AGBL4: variants seen among roughly 807,000 people sequenced by gnomAD.
AGBL4 encodes cytosolic carboxypeptidase 6.
In AGBL4, 58 loss-of-function variants were observed where a neutral mutation model predicts 66.4. The ratio of observed to expected loss-of-function variants is 0.87; its 90% confidence interval spans 0.71 to 1.09. AGBL4 has a LOEUF of 1.09. AGBL4 is among the 50% of genes least tolerant of loss of function. The pLI, the probability that AGBL4 is intolerant of heterozygous loss-of-function variation, is 0.00. For missense variants in AGBL4, 579 were observed against 631.0 expected, an observed-to-expected ratio of 0.92 and a Z score of 0.88; for synonymous variants, 234 against 222.9, an observed-to-expected ratio of 1.05 and a Z score of -0.44.
intron 8 of AGBL4, among the ~76,000 whole-genome samples, chr1:48,650,099 G>C (rs1293415085): frequency 1.3e-5 from 2 of 152,212 alleles, no homozygotes; most frequent in Non-Finnish European, 2.9e-5. Flanking sequence ...CCAGCCAGCA[G>C]AGTGAGGTGC....
intron 3 of AGBL4, among the ~76,000 whole-genome samples, chr1:49,381,576 G>A (rs1212244302): frequency 6.6e-6 from 1 of 152,140 alleles, no homozygotes; most frequent in Non-Finnish European, 1.5e-5. Context: ...ATTCACAATA[G>A]CAAAGACTTG....
chr1:48,768,651 C>T (rs938175239), intron 6 of AGBL4, among the ~76,000 whole-genome samples: 1 of 152,148 alleles, frequency 6.6e-6, no homozygotes, highest in South Asian at 2.1e-4. Flanking sequence ...TTCCATTTGA[C>T]ATATAATCAG....
At chr1:49,752,053 GT>G (rs1651518827) in intron 2 of AGBL4, among the ~76,000 whole-genome samples, 1 of 151,346 alleles carries the variant, frequency 6.6e-6, no homozygotes. Flanking sequence ...TTTTTGAAGG[GT>G]TTTTCGTGTC....
chr1:49,728,866 G>T (rs1001864400), intron 2 of AGBL4, among the ~76,000 whole-genome samples: 4 of 152,100 alleles, frequency 2.6e-5, no homozygotes, highest in Non-Finnish European at 5.9e-5. Context: ...ACTCTCAAAT[G>T]AAACCGTTCT....
intron 3 of AGBL4, among the ~76,000 whole-genome samples, chr1:49,603,844 C>T (rs944406194): frequency 1.3e-5 from 2 of 151,746 alleles, no homozygotes; most frequent in Non-Finnish European, 2.9e-5. Flanking sequence ...AGTTACTTCA[C>T]TTAGAATGAT....
chr1:48,604,610 T>G (rs1186629649), intron 9 of AGBL4, among the ~76,000 whole-genome samples: 2 of 151,486 alleles, frequency 1.3e-5, no homozygotes, highest in African/African-American at 4.8e-5. Flanking sequence ...GAATCAAAGG[T>G]TTTTTTTTAA....
intron 9 of AGBL4, among the ~76,000 whole-genome samples, chr1:48,604,443 G>A (rs1187691650): frequency 3.3e-5 from 5 of 152,002 alleles, no homozygotes; most frequent in Non-Finnish European, 7.4e-5. Context: ...TTCTAAATAT[G>A]GCTATTTGAA....
rs1273026020 is a variant in AGBL4, at chr1:48,736,435, C to T, written c.635-73194G>A. On this transcript the variant is annotated intron_variant, in intron 6 of 13. Transcript: ENST00000371839. This position sits in a 1 kb window ranked among gnomAD's most constrained non-coding sequence, Gnocchi z 4.0. ...GCCATTTCTCCTCATCAACCCAAAT[C>T]CCGCTTCCCAGATGGACCTGAGAGG... 1.9e-6 allele frequency: 3 copies of T among 1,614,114 alleles called. No individual in the cohort carries two copies. The highest frequency in any genetic ancestry group is 2.2e-5 in the East Asian group (1 of 44,882).
intron 6 of AGBL4, among the ~76,000 whole-genome samples, chr1:48,863,855 A>T (rs1218469992): frequency 2.0e-5 from 3 of 152,140 alleles, no homozygotes; most frequent in Non-Finnish European, 4.4e-5. Context: ...TTAGAAGTAA[A>T]TACAGGAGAA....
At position 49,607,220 on chromosome 1, in the gene AGBL4, C is replaced by T. The variant is rs11576876; in HGVS notation, c.282+90093G>A. ...GCAATGTTCCTGTCATCTGGCTGCC[C>T]CAACTTCTCCCAAACAATCTGACAC... is the stretch of plus-strand genomic sequence containing the variant. On this transcript the variant is annotated intron_variant, in intron 3 of 13. Transcript: ENST00000371839. Among the ~76,000 whole-genome samples the T allele has an allele frequency of 6.9e-3, 1,050 of 152,146 alleles. 11 individuals carry two copies. Among genetic ancestry groups the T allele is most frequent in the African/African-American group, 0.024 (977 of 41,524 alleles).
chr1:49,566,701 C>A (rs186253327), intron 3 of AGBL4, among the ~76,000 whole-genome samples: 2 of 152,130 alleles, frequency 1.3e-5, no homozygotes. Flanking sequence ...GGTGTCAGTC[C>A]GCCCCTACTG....
intron 4 of AGBL4, among the ~76,000 whole-genome samples, chr1:49,220,728 T>C (rs1018669722): frequency 5.3e-5 from 8 of 152,072 alleles, no homozygotes; most frequent in Non-Finnish European, 1.0e-4. Flanking sequence ...GCCACAAAGA[T>C]ATAGGTTTGC....
intron 4 of AGBL4, among the ~76,000 whole-genome samples, chr1:49,225,539 A>G (rs1649848260): frequency 6.6e-6 from 1 of 152,168 alleles, no homozygotes; most frequent in African/African-American, 2.4e-5. Context: ...GGACTGCTTC[A>G]TGCTGATCCC....
intron 1 of AGBL4, among the ~76,000 whole-genome samples, chr1:50,000,225 A>C (rs1029342407): frequency 6.6e-6 from 1 of 152,210 alleles, no homozygotes; most frequent in African/African-American, 2.4e-5. Flanking sequence ...CAAATCAGCA[A>C]GAAAACAAAC....
chr1:49,297,164 G>T (rs562899794), intron 3 of AGBL4, among the ~76,000 whole-genome samples: 1 of 152,244 alleles, frequency 6.6e-6, no homozygotes, highest in African/African-American at 2.4e-5. Context: ...TCTCACATCT[G>T]GCCAAGAGAA....
chr1:48,577,943 C>T (rs752477469), intron 11 of AGBL4, among the ~76,000 whole-genome samples: 1 of 152,108 alleles, frequency 6.6e-6, no homozygotes, highest in Non-Finnish European at 1.5e-5. Flanking sequence ...CAGAGTGGAG[C>T]GAACACACAC....
chr1:49,538,716 T>C (rs1218034378), intron 3 of AGBL4, among the ~76,000 whole-genome samples: 6 of 152,170 alleles, frequency 3.9e-5, no homozygotes, highest in Admixed American at 3.9e-4. Flanking sequence ...CTAATAAATT[T>C]AAAAATGGAA....
intron 6 of AGBL4, among the ~76,000 whole-genome samples, chr1:48,786,660 T>C (rs1325383613): frequency 6.6e-6 from 1 of 152,194 alleles, no homozygotes; most frequent in Non-Finnish European, 1.5e-5. Flanking sequence ...ATGGCTTCCT[T>C]ACACCAGAGT....
At chr1:49,247,044 G>T (rs915210842) in intron 3 of AGBL4, among the ~76,000 whole-genome samples, 1 of 151,910 alleles carries the variant, frequency 6.6e-6, no homozygotes, top group East Asian at 1.9e-4. Flanking sequence ...GCTCAGAGAG[G>T]TTACCTAACT....
Sources: gnomAD v4.1 joint callset for allele counts (sites outside exome capture counted in the v4.1 genomes callset) on GRCh38, gnomAD v4.1.1 for gene constraint, Gnocchi (gnomAD v3.1) non-coding constraint, MANE v1.5 for transcripts, NCBI Gene and HGNC (gene_info 2026-07-23, HGNC 2026-07-21) for gene names.